The following CRTC1 variants were observed in gnomAD, a reference collection of about 807,000 sequenced individuals.
CRTC1 encodes CREB regulated transcription coactivator 1, also known as CREB-regulated transcription coactivator 1.
Under a neutral mutation model 66.1 loss-of-function variants are expected in CRTC1, and 18 were observed. The ratio of observed to expected loss-of-function variants is 0.27; its 90% CI spans 0.19 to 0.40. The LOEUF is 0.40. Ranked by LOEUF, CRTC1 falls within the 10% of genes least tolerant of loss-of-function variation. The pLI, the probability that CRTC1 is intolerant of heterozygous loss-of-function variation, is 1.00. For missense variants in CRTC1, 669 were observed against 887.9 expected, an observed-to-expected ratio of 0.75 and a Z score of 3.13; for synonymous variants, 416 against 398.8, an observed-to-expected ratio of 1.04 and a Z score of -0.51.
In CRTC1 at chr19:18,765,496, C is replaced by T. The variant is rs138875847; in HGVS notation, c.979C>T (p.Pro327Ser). The change falls in exon 9 of 14, where the codon CCC becomes TCC. Residue 327 changes from proline to serine, a missense_variant. Pro to Ser is a moderately conservative substitution (Grantham distance 74, BLOSUM62 -1). Transcript: ENST00000321949. ...AGAGGCAAGGCGTCAGCAGGCATCG[C>T]CCACCCTGTCCCCGCTGTCACCCAT... ...STEARRQQAS[P>S]TLSPLSPITQ... 6.7e-4 allele frequency: 1,071 copies of T among 1,609,378 alleles called. 1 individual carries two copies. The highest frequency in any genetic ancestry group is 1.5e-3 in the Admixed American group (90 of 59,980).
chr19:18,706,957 G>A (rs756122637), intron 1 of CRTC1, among the ~76,000 whole-genome samples: 9 of 152,028 alleles, frequency 5.9e-5, no homozygotes, highest in Non-Finnish European at 1.2e-4. Context: ...TATATGATTC[G>A]CAAATATTTT....
In CRTC1 at chr19:18,684,071, C is replaced by G. The variant is rs959939380; in HGVS notation, c.126+243C>G. The stretch of plus-strand genomic sequence containing the variant: ...TACAGGTGCCCTGCATCACTGCTCC[C>G]CGGAGGAGACAGGGGCCTCTATATC... On this transcript the variant is annotated intron_variant, in intron 1 of 13. Transcript: ENST00000321949. Among the ~76,000 whole-genome samples, 8 of 151,714 alleles carry G rather than the reference C, an allele frequency of 5.3e-5. No individual in the cohort carries two copies. In the Middle Eastern group the frequency reaches 0.01, roughly 194 times the overall value.
At position 18,765,415 on chromosome 19, in the gene CRTC1, C is replaced by G. The variant is rs1173221829; in HGVS notation, c.898C>G (p.Pro300Ala). The G allele has an allele frequency of 1.2e-6, 2 of 1,612,660 alleles. No homozygotes were observed. The highest frequency in any genetic ancestry group is 4.5e-5 in the East Asian group (2 of 44,888). ...IGGAGQGMSTPGSSPQHRPAG... is the reference protein window; with the variant it reads ...IGGAGQGMSTAGSSPQHRPAG... ...TACTTCCTCTCTAGGAATGAGCACA[C>G]CTGGCTCCTCTCCACAGCACCGCCC... is the stretch of plus-strand genomic sequence containing the variant. The change falls in exon 9 of 14, where the codon CCT (proline) becomes GCT (alanine). Residue 300 changes from proline to alanine, a missense_variant. Transcript: ENST00000321949.
chr19:18,716,001 G>C (rs895552122), intron 1 of CRTC1, among the ~76,000 whole-genome samples: 3 of 152,206 alleles, frequency 2.0e-5, no homozygotes, highest in Non-Finnish European at 4.4e-5. Flanking sequence ...GTTGGCGGGG[G>C]GGGTGTCGCC....
At chr19:18,729,510 C>T (rs1287608888) in intron 1 of CRTC1, among the ~76,000 whole-genome samples, 7 of 151,744 alleles carry the variant, frequency 4.6e-5, no homozygotes, top group East Asian at 1.9e-4. Context: ...TGTGGGAGGC[C>T]GAGTCAGGAG....
Position 18,730,558 on chromosome 19 carries a change from C to T in CRTC1, c.127-12352C>T, listed in dbSNP as rs567300587. On this transcript the variant is annotated intron_variant, in intron 1 of 13. Transcript: ENST00000321949. ...TGGTTTGGGCTTCATCTGCACCCTC[C>T]CCGTCCCTCTGCAGTGACTACCATG... 7.2e-4 allele frequency among the ~76,000 whole-genome samples: 110 copies of T among 152,242 alleles called. 1 individual carries two copies. The highest frequency in any genetic ancestry group is 2.5e-3 in the African/African-American group (105 of 41,548).
rs757231070 is a variant in CRTC1, at chr19:18,777,031, A to G, written c.1694-140A>G. ...TCATGTGCTGGCCCCTCCCCCAGTC[A>G]TGACAGCTGGAATGTCCCCAGACAT... is the stretch of plus-strand genomic sequence containing the variant. On this transcript the variant is annotated intron_variant, in intron 13 of 13. Transcript: ENST00000321949. This position sits in a 1 kb window ranked among gnomAD's most constrained non-coding sequence, Gnocchi z 5.5. 3.2e-6 allele frequency: 2 copies of G among 622,074 alleles called. 1 individual carries two copies. Among genetic ancestry groups the G allele is most frequent in the Non-Finnish European group, 5.8e-6 (2 of 347,470 alleles). 38.5% of individuals were successfully genotyped at this position (622,074 alleles called of 1,614,324 possible).
At chr19:18,689,936 G>C (rs1198809284) in intron 1 of CRTC1, among the ~76,000 whole-genome samples, 2 of 152,058 alleles carry the variant, frequency 1.3e-5, no homozygotes, top group Non-Finnish European at 2.9e-5. Context: ...AGCTGTGGCT[G>C]TGAGTGGGAT....
intron 1 of CRTC1, among the ~76,000 whole-genome samples, chr19:18,721,575 A>G (rs996974722): frequency 1.3e-4 from 19 of 143,856 alleles, no homozygotes; most frequent in Non-Finnish European, 2.7e-4. Context: ...GCTCACTTCA[A>G]CCTCTGCCTC....
rs45466993 is a variant in CRTC1 at position 18,768,875 on chromosome 19, C to A, written c.1320+82C>A. 14,031 of 1,476,628 alleles carry A rather than the reference C, an allele frequency of 9.5e-3. 88 individuals are homozygous for A. Among genetic ancestry groups the A allele is most frequent in the Non-Finnish European group, 0.011 (12,527 of 1,110,042 alleles). 91.5% of individuals were successfully genotyped at this position (1,476,628 alleles called of 1,614,324 possible). ...CGGGGGCTGCAGAACAGTCGGGTTACCTGCTGCATGGGCCAGGGGTCAGAA... is the reference window on the plus strand; with the variant it reads ...CGGGGGCTGCAGAACAGTCGGGTTAACTGCTGCATGGGCCAGGGGTCAGAA... On this transcript the variant is annotated intron_variant, in intron 10 of 13. Transcript: ENST00000321949. This position sits in a 1 kb window ranked among gnomAD's most constrained non-coding sequence, Gnocchi z 5.6.
chr19:18,701,478 C>G (rs997936350), intron 1 of CRTC1, among the ~76,000 whole-genome samples: 3 of 152,266 alleles, frequency 2.0e-5, no homozygotes, highest in Non-Finnish European at 4.4e-5. Context: ...AGAGCAGGAT[C>G]GCACCTTGTT....
rs1026818326 is a variant in CRTC1 at position 18,697,139 on chromosome 19, G to C, written c.126+13311G>C. On this transcript the variant is annotated intron_variant, in intron 1 of 13. Coordinates refer to ENST00000321949, the MANE Select transcript of CRTC1 (RefSeq NM_015321.3). ...TAAATAAGGAAGTGCCGCGTGCCTC[G>C]AGGGCCAGGGATGCCCGAGAGCCAA... Among the ~76,000 whole-genome samples, 19 of 152,074 alleles carry C rather than the reference G, an allele frequency of 1.2e-4. 1 individual carries two copies. The highest frequency in any genetic ancestry group is 1.2e-3 in the Admixed American group (19 of 15,258).
At chr19:18,729,667 G>T (rs74180900) in intron 1 of CRTC1, among the ~76,000 whole-genome samples, 1 of 152,084 alleles carries the variant, frequency 6.6e-6, no homozygotes, top group South Asian at 2.1e-4. Flanking sequence ...CTTGAGCCTG[G>T]AAGGTTGAGG....
chr19:18,691,165 C>A (rs2052824106), intron 1 of CRTC1, among the ~76,000 whole-genome samples: 1 of 147,230 alleles, frequency 6.8e-6, no homozygotes, highest in Non-Finnish European at 1.5e-5. Context: ...TCACTCCAGC[C>A]TGGGTGACAG....
intron 1 of CRTC1, among the ~76,000 whole-genome samples, chr19:18,697,449 A>G (rs907072478): frequency 2.0e-5 from 3 of 152,164 alleles, no homozygotes; most frequent in Non-Finnish European, 4.4e-5. Flanking sequence ...AGCTGGGATT[A>G]CAAGCGTGCA....
At position 18,771,685 on chromosome 19, in the gene CRTC1, C is replaced by T. The variant is rs938539166; in HGVS notation, c.1425+139C>T. 12 of 699,140 alleles carry T rather than the reference C, an allele frequency of 1.7e-5. No homozygotes were observed. The highest frequency in any genetic ancestry group is 8.9e-5 in the African/African-American group (5 of 56,198). The allele number at this position is 699,140 out of a possible 1,614,324, so 43.3% of individuals were successfully genotyped here. A position where few individuals can be genotyped will look rare whatever the true frequency, so the allele number is the denominator to read the frequency against. On this transcript the variant is annotated intron_variant, in intron 11 of 13. Coordinates refer to ENST00000321949, the MANE Select transcript of CRTC1 (RefSeq NM_015321.3). This position sits in a 1 kb window ranked among gnomAD's most constrained non-coding sequence, Gnocchi z 4.6. Reference sequence around the variant, plus strand: ...ATGCATCCCATCCCGTCCACGCCATCGGACCTGAGCTGTGCACCTACCAGG... The same window carrying T: ...ATGCATCCCATCCCGTCCACGCCATTGGACCTGAGCTGTGCACCTACCAGG...
intron 1 of CRTC1, among the ~76,000 whole-genome samples, chr19:18,702,126 T>G (rs770503800): frequency 1.3e-5 from 2 of 151,924 alleles, no homozygotes; most frequent in Admixed American, 6.6e-5. Flanking sequence ...TTTCTCCATG[T>G]TGGTCAGGCT....
At chr19:18,769,957 G>A (rs550999568) in intron 10 of CRTC1, among the ~76,000 whole-genome samples, 7 of 152,292 alleles carry the variant, frequency 4.6e-5, no homozygotes, top group African/African-American at 1.7e-4. Flanking sequence ...CCATCCCTAA[G>A]TAACAGTGCT....
At chr19:18,728,570 C>T (rs2053812259) in intron 1 of CRTC1, among the ~76,000 whole-genome samples, 2 of 151,924 alleles carry the variant, frequency 1.3e-5, no homozygotes, top group Admixed American at 1.3e-4. Context: ...TGCAATAGTG[C>T]GATCTTGGCT....
Sources: gnomAD v4.1 joint callset for allele counts (sites outside exome capture counted in the v4.1 genomes callset) on GRCh38, gnomAD v4.1.1 for gene constraint, Gnocchi (gnomAD v3.1) non-coding constraint, MANE v1.5 for transcripts, NCBI Gene and HGNC (gene_info 2026-07-23, HGNC 2026-07-21) for gene names.